PDIK1L: variants seen among roughly 807,000 people sequenced by gnomAD.
PDIK1L encodes PDLIM1 interacting kinase 1 like, also known as serine/threonine-protein kinase PDIK1L.
A neutral mutation model predicts 27.1 loss-of-function variants in PDIK1L; 9 were observed. The ratio of observed to expected loss-of-function variants is 0.33; its 90% CI spans 0.20 to 0.58. The LOEUF is 0.58. PDIK1L is among the 20% of genes least tolerant of loss of function. The pLI, the probability that PDIK1L is intolerant of heterozygous loss-of-function variation, is 0.86. For missense variants in PDIK1L, 216 were observed against 413.2 expected, an observed-to-expected ratio of 0.52 and a Z score of 4.14; for synonymous variants, 130 against 141.7, an observed-to-expected ratio of 0.92 and a Z score of 0.59.
At chr1:26,120,041 C>A (rs1371930938) in intron 2 of PDIK1L, among the ~76,000 whole-genome samples, 1 of 152,184 alleles carries the variant, frequency 6.6e-6, no homozygotes, top group Non-Finnish European at 1.5e-5. Flanking sequence ...TGGCTAACAT[C>A]CTCTACATGT....
chr1:26,118,877 T>G (rs1300317189), intron 2 of PDIK1L, among the ~76,000 whole-genome samples: 1 of 152,240 alleles, frequency 6.6e-6, no homozygotes, highest in Admixed American at 6.5e-5. Flanking sequence ...CCATACGGAT[T>G]TTAATTTTTC....
rs911034755 is a variant in PDIK1L, at chr1:26,125,218, A to T, written c.*2641A>T. 6.6e-6 allele frequency: 1 copy of T among 152,630 alleles called. No individual in the cohort carries two copies. The allele number at this position is 152,630 out of a possible 1,614,324, so 9.5% of individuals were successfully genotyped here. A position where few individuals can be genotyped will look rare whatever the true frequency, so the allele number is the denominator to read the frequency against. Reference sequence around the variant, plus strand: ...TTTTGGTGCTAAGGGATACTTTGTCATTATGATGAAGTAAGTGTTAAGTGT... The same window carrying T: ...TTTTGGTGCTAAGGGATACTTTGTCTTTATGATGAAGTAAGTGTTAAGTGT... On this transcript the variant is annotated 3_prime_UTR_variant, in exon 3 of 3. Coordinates refer to ENST00000374269, the MANE Select transcript of PDIK1L (RefSeq NM_152835.5).
chr1:26,119,640 C>T (rs2087943916), intron 2 of PDIK1L, among the ~76,000 whole-genome samples: 2 of 152,218 alleles, frequency 1.3e-5, no homozygotes, highest in Admixed American at 6.5e-5. Context: ...AGAGGCGGAT[C>T]ACAAGGTCAA....
intron 2 of PDIK1L, among the ~76,000 whole-genome samples, chr1:26,118,355 G>A (rs1434519306): frequency 1.3e-5 from 2 of 152,134 alleles, no homozygotes; most frequent in East Asian, 1.9e-4. Context: ...ATTATTTAGT[G>A]CTGAGTCCAG....
In PDIK1L at chr1:26,123,511, C is replaced by A. The variant is rs1220725556; in HGVS notation, c.*934C>A. ...ACTTTGCTATGTGTGAACTGTAATA[C>A]TTGATACATTTTTGGTTTGAAGACT... On this transcript the variant is annotated 3_prime_UTR_variant, in exon 3 of 3. Coordinates refer to ENST00000374269, the MANE Select transcript of PDIK1L (RefSeq NM_152835.5). The A allele has an allele frequency of 1.3e-5, 2 of 152,604 alleles. No individual in the cohort carries two copies. Among genetic ancestry groups the A allele is most frequent in the African/African-American group, 4.8e-5 (2 of 41,440 alleles). The allele number at this position is 152,604 out of a possible 1,614,324, so 9.5% of individuals were successfully genotyped here.
In PDIK1L at chr1:26,114,263, TC is replaced by T; in HGVS notation, c.-17-28del. The T allele has an allele frequency of 6.4e-7, 1 of 1,568,420 alleles. No homozygotes were observed. ...TACAAGCCAGTAGGTATACATAATT[TC>T]AACAGAGCACTTTGTTGATTTTTCC... On this transcript the variant is annotated intron_variant, in intron 1 of 2. Transcript: ENST00000374269. This position sits in a 1 kb window ranked among gnomAD's most constrained non-coding sequence, Gnocchi z 4.8.
intron 2 of PDIK1L, among the ~76,000 whole-genome samples, chr1:26,117,331 C>T (rs1296592285): frequency 6.6e-6 from 1 of 152,112 alleles, no homozygotes; most frequent in Non-Finnish European, 1.5e-5. Context: ...CTCGCCCAGC[C>T]AATGCCCTGA....
chr1:26,116,038 TAAAAAACTACAA>T (rs2087870701), intron 2 of PDIK1L, among the ~76,000 whole-genome samples: 1 of 151,632 alleles, frequency 6.6e-6, no homozygotes, highest in South Asian at 2.1e-4. Flanking sequence ...CTGTCTCTAC[TAAAAAACTACAA>T]AAATTAGCCT....
chr1:26,122,649 A>G lies in PDIK1L; in HGVS notation c.*72A>G, dbSNP rs2088008180. 1.4e-5 allele frequency: 21 copies of G among 1,490,186 alleles called. No homozygotes were observed. Among genetic ancestry groups the G allele is most frequent in the Admixed American group, 4.5e-5 (2 of 44,446 alleles). The allele number at this position is 1,490,186 out of a possible 1,614,324, so 92.3% of individuals were successfully genotyped here. On this transcript the variant is annotated 3_prime_UTR_variant, in exon 3 of 3. Transcript: ENST00000374269. The surrounding 1 kb of genome is among the most constrained non-coding windows in gnomAD (Gnocchi z 5.4). ...ACAGTGATGCAACATTATGTGGCTGAAAAAGAATATAAAAAGCTAGACTCT... is the reference window on the plus strand; with the variant it reads ...ACAGTGATGCAACATTATGTGGCTGGAAAAGAATATAAAAAGCTAGACTCT...
At position 26,114,038 on chromosome 1, in the gene PDIK1L, C is replaced by T. The variant is rs2087842087; in HGVS notation, c.-17-254C>T. ...ATCTATAAAAAGACCATAATAGTATCTATCTCATCAGATTATTATGAGGAT... is the reference window on the plus strand; with the variant it reads ...ATCTATAAAAAGACCATAATAGTATTTATCTCATCAGATTATTATGAGGAT... On this transcript the variant is annotated intron_variant, in intron 1 of 2. Transcript: ENST00000374269. The surrounding 1 kb of genome is among the most constrained non-coding windows in gnomAD (Gnocchi z 4.8). 6.6e-6 allele frequency among the ~76,000 whole-genome samples: 1 copy of T among 152,192 alleles called. No homozygotes were observed.
At chr1:26,111,507 C>T (rs1210848454), upstream of PDIK1L, 1 of 151,202 alleles carries the variant, frequency 6.6e-6, no homozygotes, top group Non-Finnish European at 1.5e-5. This position sits in a 1 kb window ranked among gnomAD's most constrained non-coding sequence, Gnocchi z 4.0. Context: ...TGCAGACGGT[C>T]CCCGGGGCCG....
At chr1:26,118,387 C>G (rs1215827844) in intron 2 of PDIK1L, among the ~76,000 whole-genome samples, 1 of 152,186 alleles carries the variant, frequency 6.6e-6, no homozygotes, top group Non-Finnish European at 1.5e-5. Context: ...GTTATAGTAG[C>G]TAGGCATTAG....
intron 2 of PDIK1L, among the ~76,000 whole-genome samples, chr1:26,115,518 T>C (rs1005392253): frequency 2.0e-5 from 3 of 152,218 alleles, no homozygotes; most frequent in Non-Finnish European, 4.4e-5. Flanking sequence ...TAGTCATTCT[T>C]GGGCCAGGCA....
At chr1:26,119,962 T>A (rs955339895) in intron 2 of PDIK1L, among the ~76,000 whole-genome samples, 22 of 152,180 alleles carry the variant, frequency 1.4e-4, no homozygotes, top group African/African-American at 4.8e-4. Context: ...ATAACCCATG[T>A]TAAAGAGTTT....
Position 26,122,114 on chromosome 1 carries a change from T to A in PDIK1L, c.563T>A (p.Val188Glu). 6.2e-7 allele frequency: 1 copy of A among 1,613,916 alleles called. No homozygotes were observed. Among genetic ancestry groups the A allele is most frequent in the Non-Finnish European group, 8.5e-7 (1 of 1,179,998 alleles). ...DTSDLEPTLK[V>E]ADFGLSKVCS... ...AGTGACTTGGAACCTACCCTCAAAG[T>A]GGCTGATTTTGGTCTAAGTAAAGTT... Residue 188 changes from valine to glutamate, a missense_variant, in exon 3 of 3, where the codon GTG (valine) becomes GAG (glutamate). This residue lies in a region of PDIK1L where 169 missense variants were observed against 366.0 expected (regional missense o/e 0.46). Coordinates refer to ENST00000374269, the MANE Select transcript of PDIK1L (RefSeq NM_152835.5). This position sits in a 1 kb window ranked among gnomAD's most constrained non-coding sequence, Gnocchi z 5.4.
intron 2 of PDIK1L, among the ~76,000 whole-genome samples, chr1:26,120,389 T>C (rs140163689): frequency 0.027 from 3,711 of 138,598 alleles, 69 homozygotes; most frequent in Non-Finnish European, 0.042. Flanking sequence ...TCTGTACCTT[T>C]CTTTCATTTT....
Position 26,122,148 on chromosome 1 carries a change from C to T in PDIK1L, c.597C>T (p.Ala199=), listed in dbSNP as rs143585036. 5 of 1,614,108 alleles carry T rather than the reference C, an allele frequency of 3.1e-6. No homozygotes were observed. The highest frequency in any genetic ancestry group is 2.7e-5 in the African/African-American group (2 of 75,016). The change falls in exon 3 of 3, where the codon GCC becomes GCT. Residue 199 remains alanine, a synonymous_variant. Coordinates refer to ENST00000374269, the MANE Select transcript of PDIK1L (RefSeq NM_152835.5). The surrounding 1 kb of genome is among the most constrained non-coding windows in gnomAD (Gnocchi z 5.4). ...TTGGTCTAAGTAAAGTTTGTTCAGCCTCTGGGCAGAACCCAGAAGAACCTG... is the reference window on the plus strand; with the variant it reads ...TTGGTCTAAGTAAAGTTTGTTCAGCTTCTGGGCAGAACCCAGAAGAACCTG... ...ADFGLSKVCS[A]SGQNPEEPVS... is the part of the protein sequence containing the mutation.
At chr1:26,116,975 C>T (rs1392927746) in intron 2 of PDIK1L, among the ~76,000 whole-genome samples, 1 of 149,984 alleles carries the variant, frequency 6.7e-6, no homozygotes, top group Non-Finnish European at 1.5e-5. Context: ...CTCGGCCTCC[C>T]AAAGTGTTGG....
chr1:26,120,676 G>C (rs576487186), intron 2 of PDIK1L, among the ~76,000 whole-genome samples: 1 of 152,164 alleles, frequency 6.6e-6, no homozygotes, highest in Non-Finnish European at 1.5e-5. Flanking sequence ...ATACGGGGCC[G>C]GGTGCCATGG....
Sources: gnomAD v4.1 joint callset for allele counts (sites outside exome capture counted in the v4.1 genomes callset) on GRCh38, gnomAD v4.1.1 for gene constraint, gnomAD v4.1.1 regional missense constraint, Gnocchi (gnomAD v3.1) non-coding constraint, MANE v1.5 for transcripts, NCBI Gene and HGNC (gene_info 2026-07-23, HGNC 2026-07-21) for gene names.